Variants in JARID2 observed in about 807,000 individuals in gnomAD.
JARID2 encodes protein Jumonji.
A neutral mutation model predicts 125.6 loss-of-function variants in JARID2; 21 were observed. The ratio of observed to expected loss-of-function variants is 0.17; its 90% CI spans 0.12 to 0.24. The LOEUF is 0.24. JARID2 is among the 10% of genes least tolerant of loss of function. The probability of loss-of-function intolerance (pLI) is 1.00; values close to 1 mark genes in which losing one functional copy is unlikely to be tolerated. For missense variants in JARID2, 1,303 were observed against 1,639.6 expected, an observed-to-expected ratio of 0.79 and a Z score of 3.55; for synonymous variants, 736 against 661.6, an observed-to-expected ratio of 1.11 and a Z score of -1.73.
chr6:15,507,497 T>G, intron 11 of JARID2, 81 bp downstream of exon 11: 3 of 1,163,906 alleles, frequency 2.6e-6, no homozygotes, highest in Non-Finnish European at 3.8e-6. Context: ...GGGAAATCCC[T>G]TCTAAGCACT....
intron 5 of JARID2, among the ~76,000 whole-genome samples, chr6:15,475,607 A>T (rs1191716783): frequency 6.6e-6 from 1 of 152,214 alleles, no homozygotes; most frequent in Non-Finnish European, 1.5e-5. Flanking sequence ...CGACCTCAGG[A>T]AGCTGTGATG....
intron 1 of JARID2, among the ~76,000 whole-genome samples, chr6:15,299,398 C>A (rs1340640498): frequency 6.6e-6 from 1 of 152,152 alleles, no homozygotes; most frequent in Non-Finnish European, 1.5e-5. Context: ...TAAGGTCTTG[C>A]ATACTGAGGT....
At chr6:15,365,522 A>G (rs913075644) in intron 1 of JARID2, among the ~76,000 whole-genome samples, 1 of 152,156 alleles carries the variant, frequency 6.6e-6, no homozygotes, top group African/African-American at 2.4e-5. Flanking sequence ...GCAGATTTTT[A>G]TAAAGGCTCA....
At chr6:15,517,326 G>A (rs371851403) in intron 17 of JARID2, 58 bp downstream of exon 17, 125 of 1,241,160 alleles carry the variant, frequency 1.0e-4, no homozygotes, top group African/African-American at 1.9e-4. Context: ...CCCTGCTCCC[G>A]GCTGGATGTA....
chr6:15,516,482 C>T (rs1371806775), intron 16 of JARID2, among the ~76,000 whole-genome samples: 1 of 152,234 alleles, frequency 6.6e-6, no homozygotes, highest in Admixed American at 6.5e-5. Context: ...GCAGGGTGTC[C>T]ACTGGCGGGA....
intron 9 of JARID2, among the ~76,000 whole-genome samples, chr6:15,506,390 G>T (rs1185978593): frequency 6.6e-6 from 1 of 152,236 alleles, no homozygotes; most frequent in Non-Finnish European, 1.5e-5. Context: ...CCCCCTCTTT[G>T]TGGAAGTCAC....
At chr6:15,267,038 C>T (rs1297414211) in intron 1 of JARID2, among the ~76,000 whole-genome samples, 4 of 152,150 alleles carry the variant, frequency 2.6e-5, no homozygotes, top group Non-Finnish European at 5.9e-5. Flanking sequence ...TCTCTTCCAC[C>T]TGTATATTAG....
chr6:15,387,901 G>A (rs1764848841), intron 2 of JARID2, among the ~76,000 whole-genome samples: 1 of 152,066 alleles, frequency 6.6e-6, no homozygotes, highest in Non-Finnish European at 1.5e-5. Context: ...AATCCTATCT[G>A]TTTAACAGTA....
intron 3 of JARID2, among the ~76,000 whole-genome samples, chr6:15,436,598 C>G (rs1272147265): frequency 6.6e-6 from 1 of 152,072 alleles, no homozygotes; most frequent in Admixed American, 6.5e-5. Flanking sequence ...GGGAGTAGAG[C>G]CCTAGCCAGG....
rs1771605929 is a variant in JARID2 at position 15,517,226 on chromosome 6, G to GT, written c.3516_3517insT (p.Lys1173Ter). ...GTGCTCTGCGCCACGTGGAGAAACA[G>GT]AAGTCCTGCCGAGGGCTGAAGTTGA... is the stretch of plus-strand genomic sequence containing the variant. On this transcript the variant is annotated frameshift_variant, in exon 17 of 18. Transcript: ENST00000341776. LOFTEE classifies it high-confidence loss of function. The GT allele has an allele frequency of 6.2e-7, 1 of 1,614,024 alleles. No individual in the cohort carries two copies. The highest frequency in any genetic ancestry group is 1.3e-5 in the African/African-American group (1 of 74,938).
chr6:15,408,639 A>T (rs1765748268), intron 2 of JARID2, among the ~76,000 whole-genome samples: 1 of 152,264 alleles, frequency 6.6e-6, no homozygotes, highest in Non-Finnish European at 1.5e-5. Flanking sequence ...TCTACTCCAA[A>T]ACATTTCCAC....
At chr6:15,478,113 TC>T (rs1266638320) in intron 5 of JARID2, among the ~76,000 whole-genome samples, 1 of 152,196 alleles carries the variant, frequency 6.6e-6, no homozygotes, top group Non-Finnish European at 1.5e-5. Flanking sequence ...GGCACACACT[TC>T]GGGATAGTTG....
intron 1 of JARID2, among the ~76,000 whole-genome samples, chr6:15,323,909 G>A (rs924795266): frequency 6.6e-6 from 1 of 152,116 alleles, no homozygotes; most frequent in African/African-American, 2.4e-5. Context: ...AAGGCTGGGC[G>A]TGGTGGCTCA....
At chr6:15,454,867 T>C (rs1040621179) in intron 4 of JARID2, among the ~76,000 whole-genome samples, 80 of 152,166 alleles carry the variant, frequency 5.3e-4, no homozygotes, top group African/African-American at 1.9e-3. Flanking sequence ...GAACTAAATA[T>C]GACAGAATCT....
intron 7 of JARID2, among the ~76,000 whole-genome samples, chr6:15,498,039 T>C (rs1770551674): frequency 6.6e-6 from 1 of 152,206 alleles, no homozygotes; most frequent in Non-Finnish European, 1.5e-5. Flanking sequence ...TTGAAGACCC[T>C]GTCTCCAAAT....
intron 1 of JARID2, among the ~76,000 whole-genome samples, chr6:15,251,405 G>T (rs958625735): frequency 2.6e-5 from 4 of 152,192 alleles, no homozygotes; most frequent in Non-Finnish European, 5.9e-5. Flanking sequence ...TGGCTGCATT[G>T]CTCTGATCAT....
intron 2 of JARID2, among the ~76,000 whole-genome samples, chr6:15,409,611 C>A (rs989444667): frequency 6.6e-6 from 1 of 152,208 alleles, no homozygotes; most frequent in Non-Finnish European, 1.5e-5. Flanking sequence ...AAAAGCACAT[C>A]CATGAGCACC....
chr6:15,378,409 T>G (rs1319768234), intron 2 of JARID2, among the ~76,000 whole-genome samples: 7 of 109,348 alleles, frequency 6.4e-5, no homozygotes, highest in Non-Finnish European at 1.5e-4. Flanking sequence ...GAAGGGTGGG[T>G]GGTGGTGGAG....
At chr6:15,457,067 A>G (rs1480971854) in intron 4 of JARID2, among the ~76,000 whole-genome samples, 1 of 152,032 alleles carries the variant, frequency 6.6e-6, no homozygotes, top group African/African-American at 2.4e-5. Context: ...TGCATGTATA[A>G]TACATATTTT....
Sources: gnomAD v4.1 joint callset for allele counts (sites outside exome capture counted in the v4.1 genomes callset) on GRCh38, gnomAD v4.1.1 for gene constraint, MANE v1.5 for transcripts, NCBI Gene and HGNC (gene_info 2026-07-23, HGNC 2026-07-21) for gene names.